The following UGDH variants were observed in gnomAD, a reference collection of about 807,000 sequenced individuals.
The protein encoded by UGDH is UDP-Glc dehydrogenase.
Under a neutral mutation model 50.6 loss-of-function variants are expected in UGDH, and 38 were observed. The ratio of observed to expected loss-of-function variants is 0.75; its 90% CI spans 0.58 to 0.98. UGDH has a LOEUF of 0.98. UGDH is among the 50% of genes least tolerant of loss of function. The pLI, the probability that UGDH is intolerant of heterozygous loss-of-function variation, is 0.00. For synonymous variants in UGDH, 168 were observed against 199.9 expected (o/e 0.84, Z 1.35); for missense variants, 465 against 606.2 (o/e 0.77, Z 2.45).
At chr4:39,509,698 A>G in intron 6 of UGDH, 62 bp downstream of exon 6, 4 of 1,548,010 alleles carry the variant, frequency 2.6e-6, no homozygotes, top group Non-Finnish European at 3.5e-6. Flanking sequence ...TGGTACCAGC[A>G]AATAATATGC....
At chr4:39,513,531 C>CTTTTTTTTTTTTTTTTTT (rs10707997) in intron 3 of UGDH, among the ~76,000 whole-genome samples, 1 of 88,008 alleles carries the variant, frequency 1.1e-5, no homozygotes. Flanking sequence ...TTTCCTAGTT[C>CTTTTTTTTTTTTTTTTTT]TTTTTTTTTT....
intron 2 of UGDH, among the ~76,000 whole-genome samples, chr4:39,516,262 C>T (rs1746439645): frequency 6.6e-6 from 1 of 152,066 alleles, no homozygotes; most frequent in South Asian, 2.1e-4. Flanking sequence ...CCAGCCTGGG[C>T]CACAGAGCAA....
chr4:39,513,974 A>AT (rs1746347166), intron 3 of UGDH, 109 bp downstream of exon 3: 2 of 907,218 alleles, frequency 2.2e-6, no homozygotes, highest in Non-Finnish European at 3.4e-6. Context: ...ACAACTCTAT[A>AT]CTAAGCAATG....
chr4:39,523,578 C>G (rs10020176), intron 1 of UGDH, among the ~76,000 whole-genome samples: 108,914 of 151,820 alleles, frequency 0.72, 39,250 homozygotes, highest in East Asian at 0.9. Flanking sequence ...GCCGAGGAGG[C>G]TGAATCACCT....
chr4:39,510,516 G>A lies in UGDH; in HGVS notation c.500C>T (p.Thr167Ile), dbSNP rs755113560. 6.2e-7 allele frequency: 1 copy of A among 1,614,170 alleles called. No individual in the cohort carries two copies. The highest frequency in any genetic ancestry group is 8.5e-7 in the Non-Finnish European group (1 of 1,180,028). ...LSNPEFLAEG[T>I]AIKDLKNPDR... ...TGGGTTCTTTAGGTCCTTGATGGCT[G>A]TTCCCTCTGCCAGAAACTCAGGGTT... The change falls in exon 5 of 12, where the codon ACA becomes ATA. Residue 167 changes from threonine (T) to isoleucine (I), a missense_variant. Coordinates refer to ENST00000316423, the MANE Select transcript of UGDH (RefSeq NM_003359.4).
chr4:39,514,569 C>A lies in UGDH; in HGVS notation c.163-385G>T, dbSNP rs2109935274. Reference sequence around the variant, plus strand: ...GCAGAGATGGGGTTTTGGGGTTTCACTGGGTTGTCCAGGCTGGTCTCACAT... The same window carrying A: ...GCAGAGATGGGGTTTTGGGGTTTCAATGGGTTGTCCAGGCTGGTCTCACAT... On this transcript the variant is annotated intron_variant, in intron 2 of 11. Transcript: ENST00000316423. Among the ~76,000 whole-genome samples the A allele has an allele frequency of 2.0e-5, 3 of 152,176 alleles. No homozygotes were observed. The South Asian group carries it at 6.2e-4, about 32-fold the overall frequency.
At chr4:39,510,601 A>G in intron 4 of UGDH, 51 bp from the exon 5 acceptor site, 1 of 1,613,942 alleles carries the variant, frequency 6.2e-7, no homozygotes, top group Non-Finnish European at 8.5e-7. Flanking sequence ...ATTATGGGCA[A>G]CTTTAACACA....
In UGDH at chr4:39,500,085, T is replaced by C. The variant is rs1021582678; in HGVS notation, c.*58A>G. 66 of 1,021,754 alleles carry C rather than the reference T, an allele frequency of 6.5e-5. No individual in the cohort carries two copies. The highest frequency in any genetic ancestry group is 5.9e-4 in the South Asian group (36 of 61,058). The allele number at this position is 1,021,754 out of a possible 1,614,324, so 63.3% of individuals were successfully genotyped here. The stretch of plus-strand genomic sequence containing the variant: ...TTACCATTTAATAGCAGATAGATAT[T>C]TGCTATCCTGAAGTACCAAAAAAAA... On this transcript the variant is annotated 3_prime_UTR_variant, in exon 12 of 12. Transcript: ENST00000316423.
At chr4:39,513,724 A>C (rs1204811205) in intron 3 of UGDH, among the ~76,000 whole-genome samples, 1 of 151,608 alleles carries the variant, frequency 6.6e-6, no homozygotes, top group African/African-American at 2.4e-5. Flanking sequence ...CTTAGTAGAG[A>C]CGGGGTTTCA....
Position 39,499,397 on chromosome 4 carries a change from G to A in UGDH, c.*746C>T, listed in dbSNP as rs1745703527. 1.3e-5 allele frequency: 2 copies of A among 152,100 alleles called. No individual in the cohort carries two copies. The highest frequency in any genetic ancestry group is 6.5e-5 in the Admixed American group (1 of 15,274). The allele number at this position is 152,100 out of a possible 1,614,324, so 9.4% of individuals were successfully genotyped here. On this transcript the variant is annotated 3_prime_UTR_variant, in exon 12 of 12. Coordinates refer to ENST00000316423, the MANE Select transcript of UGDH (RefSeq NM_003359.4). Reference sequence around the variant, plus strand: ...CTTTAACCAGACCATACATGTAAAGGCTGTTTAGCATAGCAATTTCATGGA... The same window carrying A: ...CTTTAACCAGACCATACATGTAAAGACTGTTTAGCATAGCAATTTCATGGA...
Position 39,504,509 on chromosome 4 carries a change from CTG to C in UGDH, c.1172-3_1172-2del, listed in dbSNP as rs1278345378. 5.6e-6 allele frequency: 9 copies of C among 1,613,160 alleles called. No individual in the cohort carries two copies. Among genetic ancestry groups the C allele is most frequent in the Non-Finnish European group, 5.9e-6 (7 of 1,179,550 alleles). On this transcript the variant is annotated splice_acceptor_variant and splice_polypyrimidine_tract_variant and intron_variant, in intron 9 of 11. Coordinates refer to ENST00000316423, the MANE Select transcript of UGDH (RefSeq NM_003359.4). LOFTEE classifies it high-confidence loss of function. ...TTGGAAATGGTCACGAGCCGGGACACTGTAACAATAGCAACAACAAAAAAACA... is the reference window on the plus strand; with the variant it reads ...TTGGAAATGGTCACGAGCCGGGACACTAACAATAGCAACAACAAAAAAACA...
At chr4:39,525,700 G>A (rs1397599588) in intron 1 of UGDH, among the ~76,000 whole-genome samples, 4 of 151,088 alleles carry the variant, frequency 2.6e-5, no homozygotes, top group African/African-American at 9.8e-5. Flanking sequence ...TAGTAGAGAC[G>A]GGATTTCACC....
intron 6 of UGDH, 125 bp downstream of exon 6, chr4:39,509,635 A>G (rs942357391): frequency 4.0e-5 from 45 of 1,125,424 alleles, no homozygotes; most frequent in Non-Finnish European, 4.9e-5. Context: ...AAAAAAGAAA[A>G]TAACAGCATC....
intron 2 of UGDH, among the ~76,000 whole-genome samples, chr4:39,515,758 G>A (rs1746416825): frequency 6.6e-6 from 1 of 152,200 alleles, no homozygotes; most frequent in African/African-American, 2.4e-5. Flanking sequence ...GGAGTGCAGT[G>A]GCACCATCTC....
intron 1 of UGDH, chr4:39,526,914 C>T (rs1319575527): frequency 4.9e-6 from 4 of 811,568 alleles, no homozygotes; most frequent in African/African-American, 1.8e-5. Flanking sequence ...CAAAAGACTA[C>T]GACTCTGCGG....
intron 2 of UGDH, among the ~76,000 whole-genome samples, chr4:39,521,055 G>A (rs1375801334): frequency 2.1e-5 from 3 of 142,640 alleles, no homozygotes; most frequent in Non-Finnish European, 4.5e-5. Flanking sequence ...GGGCGACAGA[G>A]GAAGACTCCG....
intron 1 of UGDH, among the ~76,000 whole-genome samples, chr4:39,526,750 A>T (rs1746913002): frequency 6.6e-6 from 1 of 152,208 alleles, no homozygotes; most frequent in Non-Finnish European, 1.5e-5. Context: ...TAGGGGGCCA[A>T]CAATGGATTC....
At chr4:39,526,555 T>C (rs1168702816) in intron 1 of UGDH, 1 of 154,934 alleles carries the variant, frequency 6.5e-6, no homozygotes, top group Admixed American at 6.3e-5. Flanking sequence ...TACTGCTCTG[T>C]ATGCCCATGA....
At chr4:39,507,629 T>C (rs2109924712) in intron 7 of UGDH, among the ~76,000 whole-genome samples, 1 of 152,268 alleles carries the variant, frequency 6.6e-6, no homozygotes, top group African/African-American at 2.4e-5. Context: ...GTTCTTATTT[T>C]ATTTTGATTT....
Sources: gnomAD v4.1 joint callset for allele counts (sites outside exome capture counted in the v4.1 genomes callset) on GRCh38, gnomAD v4.1.1 for gene constraint, MANE v1.5 for transcripts, NCBI Gene and HGNC (gene_info 2026-07-23, HGNC 2026-07-21) for gene names.